The following CAMK2G variants were observed in gnomAD, a reference collection of about 807,000 sequenced individuals.
CAMK2G encodes calcium/calmodulin-dependent protein kinase type II subunit gamma.
Under a neutral mutation model 88.7 loss-of-function variants are expected in CAMK2G, and 23 were observed. The ratio of observed to expected loss-of-function variants is 0.26; its 90% confidence interval spans 0.19 to 0.37. The LOEUF (loss-of-function observed/expected upper bound fraction) is 0.37, where lower values mean the gene tolerates loss of function less well. CAMK2G is among the 10% of genes least tolerant of loss of function. CAMK2G has a pLI of 1.00. For synonymous variants in CAMK2G, 263 were observed against 294.8 expected (o/e 0.89, Z 1.11); for missense variants, 476 against 780.8 (o/e 0.61, Z 4.65).
chr10:73,847,947 C>A (rs752803188), intron 9 of CAMK2G, 41 bp downstream of exon 9: 2 of 1,197,706 alleles, frequency 1.7e-6, no homozygotes, highest in East Asian at 2.3e-5. Flanking sequence ...GCAAGGACAT[C>A]TGCCCTTCCT....
chr10:73,852,197 ACTTC>A, intron 5 of CAMK2G, 53 bp downstream of exon 5: 2 of 1,390,692 alleles, frequency 1.4e-6, no homozygotes, highest in East Asian at 4.6e-5. Context: ...GGTGGCCAAG[ACTTC>A]CTTCAGTCCT....
Position 73,869,672 on chromosome 10 carries a change from A to G in CAMK2G, c.160+3317T>C, listed in dbSNP as rs547428302. ...TGCCCATGCAGAAGTATAGAAACAC[A>G]TAAGGACCCTTCCCTCACCTCTCAG... is the stretch of plus-strand genomic sequence containing the variant. On this transcript the variant is annotated intron_variant, in intron 2 of 22. Coordinates refer to ENST00000423381, the MANE Select transcript of CAMK2G (RefSeq NM_001367534.1). Among the ~76,000 whole-genome samples the G allele has an allele frequency of 1.9e-4, 29 of 152,406 alleles. No homozygotes were observed. The East Asian group carries it at 5.4e-3, about 28-fold the overall frequency.
chr10:73,831,924 CTTTTT>C (rs913430462), intron 14 of CAMK2G, among the ~76,000 whole-genome samples: 10 of 148,888 alleles, frequency 6.7e-5, no homozygotes, highest in African/African-American at 2.5e-4. Context: ...TACCTCTTTT[CTTTTT>C]TTTTTAATTG....
At chr10:73,836,219 C>T (rs1323815742) in intron 14 of CAMK2G, among the ~76,000 whole-genome samples, 1 of 152,166 alleles carries the variant, frequency 6.6e-6, no homozygotes, top group African/African-American at 2.4e-5. Flanking sequence ...TTCTCCAGTA[C>T]GCTCTCTCCT....
intron 18 of CAMK2G, among the ~76,000 whole-genome samples, chr10:73,820,145 C>G (rs1473905707): frequency 6.6e-6 from 1 of 152,136 alleles, no homozygotes; most frequent in Non-Finnish European, 1.5e-5. Flanking sequence ...CCAGCTCTGT[C>G]CTAGAGTGTT....
At chr10:73,873,241 G>A (rs1287777801) in intron 1 of CAMK2G, 158 bp from the exon 2 acceptor site, 4 of 1,024,144 alleles carry the variant, frequency 3.9e-6, no homozygotes, top group Non-Finnish European at 5.7e-6. Flanking sequence ...CATCCAACAT[G>A]AGGCAAAAGG....
At position 73,814,166 on chromosome 10, in the gene CAMK2G, C is replaced by T. The variant is rs1039818685; in HGVS notation, c.*352G>A. The T allele has an allele frequency of 5.9e-5, 9 of 152,056 alleles. No homozygotes were observed. In the East Asian group the frequency reaches 1.7e-3, roughly 29 times the overall value. The allele number at this position is 152,056 out of a possible 1,614,324, so 9.4% of individuals were successfully genotyped here. A position where few individuals can be genotyped will look rare whatever the true frequency, so the allele number is the denominator to read the frequency against. ...ACCTCTTCAAGGCCGGTGGGTGAGCCACTGCTCATGCCAGGATGGACCTCA... is the reference window on the plus strand; with the variant it reads ...ACCTCTTCAAGGCCGGTGGGTGAGCTACTGCTCATGCCAGGATGGACCTCA... On this transcript the variant is annotated 3_prime_UTR_variant, in exon 23 of 23. Transcript: ENST00000423381.
chr10:73,845,152 A>G (rs909104409), intron 10 of CAMK2G, among the ~76,000 whole-genome samples: 2 of 152,206 alleles, frequency 1.3e-5, no homozygotes, highest in African/African-American at 4.8e-5. Flanking sequence ...CTACAGCCTC[A>G]CTACCAACTA....
At chr10:73,826,391 C>T (rs2090959747) in intron 15 of CAMK2G, among the ~76,000 whole-genome samples, 1 of 152,098 alleles carries the variant, frequency 6.6e-6, no homozygotes, top group African/African-American at 2.4e-5. Context: ...CAAGATTGCA[C>T]CACTGCACTC....
intron 14 of CAMK2G, among the ~76,000 whole-genome samples, chr10:73,830,570 T>C (rs1410525857): frequency 6.6e-6 from 1 of 152,266 alleles, no homozygotes; most frequent in Non-Finnish European, 1.5e-5. Flanking sequence ...CAAATAGTAC[T>C]TAGGGAAATA....
intron 12 of CAMK2G, among the ~76,000 whole-genome samples, chr10:73,841,376 G>C (rs2093772539): frequency 6.6e-6 from 1 of 152,050 alleles, no homozygotes; most frequent in South Asian, 2.1e-4. Context: ...GACCGGGGGA[G>C]ATGGCAAGCT....
chr10:73,860,192 G>A (rs1206403484), intron 3 of CAMK2G, among the ~76,000 whole-genome samples: 1 of 152,206 alleles, frequency 6.6e-6, no homozygotes, highest in Non-Finnish European at 1.5e-5. Flanking sequence ...AGCCAGAGTG[G>A]GTTGAGGCAG....
rs555066193 is a variant in CAMK2G at position 73,827,474 on chromosome 10, C to T, written c.1086+615G>A. Reference sequence around the variant, plus strand: ...GATTACAGGCGTGAGCCATCGCGCCCGGCCCCCACCTCTGGTTTTAATGGA... The same window carrying T: ...GATTACAGGCGTGAGCCATCGCGCCTGGCCCCCACCTCTGGTTTTAATGGA... On this transcript the variant is annotated intron_variant, in intron 15 of 22. Coordinates refer to ENST00000423381, the MANE Select transcript of CAMK2G (RefSeq NM_001367534.1). 8.5e-5 allele frequency among the ~76,000 whole-genome samples: 13 copies of T among 152,210 alleles called. No individual in the cohort carries two copies. In the South Asian group the frequency reaches 1.9e-3, roughly 22 times the overall value.
intron 14 of CAMK2G, among the ~76,000 whole-genome samples, chr10:73,833,402 G>A (rs561719641): frequency 6.6e-6 from 1 of 152,130 alleles, no homozygotes; most frequent in Admixed American, 6.5e-5. Context: ...GCATTTTTAT[G>A]GTTTTGACAC....
At position 73,842,515 on chromosome 10, in the gene CAMK2G, C is replaced by T; in HGVS notation, c.846G>A (p.Met282Ile). The T allele has an allele frequency of 1.2e-6, 2 of 1,613,816 alleles. No homozygotes were observed. The highest frequency in any genetic ancestry group is 1.7e-6 in the Non-Finnish European group (2 of 1,179,692). Reference sequence around the variant, plus strand: ...AACACTCCACAGTCTCCTGACGATGCATCATGGATGCCACCGTGGATCGTT... The same window carrying T: ...AACACTCCACAGTCTCCTGACGATGTATCATGGATGCCACCGTGGATCGTT... The part of the protein sequence containing the change: ...VCQRSTVASM[M>I]HRQETVECLR... The change falls in exon 11 of 23, where the codon ATG becomes ATA. Residue 282 changes from methionine (M) to isoleucine (I), a missense_variant. Transcript: ENST00000423381. This position sits in a 1 kb window ranked among gnomAD's most constrained non-coding sequence, Gnocchi z 4.6.
intron 21 of CAMK2G, chr10:73,816,450 G>A (rs1589705028): frequency 9.2e-7 from 1 of 1,091,604 alleles, no homozygotes; most frequent in South Asian, 2.4e-5. Flanking sequence ...GGAAAGAGGT[G>A]AGGCTTAAAT....
chr10:73,856,262 C>T (rs1188150965), intron 3 of CAMK2G, among the ~76,000 whole-genome samples: 4 of 152,084 alleles, frequency 2.6e-5, no homozygotes, highest in Admixed American at 2.0e-4. Flanking sequence ...AGAAACCTGC[C>T]CAAAATCACA....
At chr10:73,845,293 A>T (rs1163071694) in intron 10 of CAMK2G, among the ~76,000 whole-genome samples, 1 of 152,050 alleles carries the variant, frequency 6.6e-6, no homozygotes, top group Admixed American at 6.5e-5. Context: ...AATGAAAACC[A>T]TCATCTTGGC....
intron 2 of CAMK2G, among the ~76,000 whole-genome samples, chr10:73,871,726 T>C (rs1057118317): frequency 3.9e-5 from 6 of 152,016 alleles, no homozygotes; most frequent in Admixed American, 6.6e-5. Flanking sequence ...AGTCCAACTT[T>C]ATAGGCAATG....
Sources: gnomAD v4.1 joint callset for allele counts (sites outside exome capture counted in the v4.1 genomes callset) on GRCh38, gnomAD v4.1.1 for gene constraint, Gnocchi (gnomAD v3.1) non-coding constraint, MANE v1.5 for transcripts, NCBI Gene and HGNC (gene_info 2026-07-23, HGNC 2026-07-21) for gene names.